The following PUDP variants were observed in gnomAD, a reference collection of about 807,000 sequenced individuals.
PUDP encodes pseudouridine-5'-phosphatase.
Under a neutral mutation model 9.4 loss-of-function variants are expected in PUDP, and 8 were observed. The observed-to-expected ratio is 0.85, with a 90% CI of 0.50 to 1.53. PUDP has a LOEUF of 1.53. Ranked by LOEUF, PUDP falls within the 40% of genes most tolerant of loss-of-function variation. The pLI, the probability that PUDP is intolerant of heterozygous loss-of-function variation, is 0.00. For missense variants in PUDP, 188 were observed against 189.7 expected, an observed-to-expected ratio of 0.99 and a Z score of 0.05; for synonymous variants, 99 against 80.7, an observed-to-expected ratio of 1.23 and a Z score of -1.22.
intron 3 of PUDP, among the ~76,000 whole-genome samples, chrX:6,807,090 G>A (rs746553635): frequency 1.8e-5 from 2 of 112,277 alleles, no homozygotes; most frequent in South Asian, 3.7e-4. Flanking sequence ...CATCAATCTA[G>A]AGAACCTTTA....
intron 3 of PUDP, among the ~76,000 whole-genome samples, chrX:6,838,916 G>T (rs769975974): frequency 8.9e-6 from 1 of 112,091 alleles, no homozygotes; most frequent in South Asian, 3.8e-4. Flanking sequence ...TGGGCTCTTG[G>T]GGTCCACAAG....
intron 3 of PUDP, among the ~76,000 whole-genome samples, chrX:6,754,801 G>A (rs906655753): frequency 1.8e-5 from 2 of 110,903 alleles, no homozygotes; most frequent in African/African-American, 6.6e-5. Flanking sequence ...AATGCTTAGG[G>A]TGTGTTCACA....
intron 2 of PUDP, among the ~76,000 whole-genome samples, chrX:7,083,380 G>C (rs1468126528): frequency 9.0e-6 from 1 of 111,689 alleles, no homozygotes; most frequent in African/African-American, 3.3e-5. Flanking sequence ...ATAATAATTA[G>C]TATTCATGAA....
At chrX:6,843,872 G>C (rs1490899828) in intron 3 of PUDP, among the ~76,000 whole-genome samples, 1 of 112,918 alleles carries the variant, frequency 8.9e-6, no homozygotes, top group Non-Finnish European at 1.9e-5. Flanking sequence ...TTATGACACT[G>C]TGTTGGTTGC....
chrX:6,989,728 G>A (rs1453650188), intron 1 of PUDP: 2 of 113,685 alleles, frequency 1.8e-5, no homozygotes, highest in African/African-American at 6.5e-5. Flanking sequence ...CAGCCACTTT[G>A]ACAGGCATTA....
At chrX:6,831,840 A>G (rs756813421) in intron 3 of PUDP, among the ~76,000 whole-genome samples, 38 of 112,088 alleles carry the variant, frequency 3.4e-4, no homozygotes, top group African/African-American at 1.1e-3. Flanking sequence ...AATCTTTGGA[A>G]AAGACCCAAA....
chrX:6,947,767 C>T lies in PUDP; in HGVS notation c.*247+29366G>A, dbSNP rs748805708. 3.6e-4 allele frequency among the ~76,000 whole-genome samples: 36 copies of T among 99,417 alleles called. No individual in the cohort carries two copies. In the East Asian group the frequency reaches 3.8e-3, roughly 11 times the overall value. 86.3% of individuals were successfully genotyped at this position (99,417 alleles called of 115,157 possible). A position where few individuals can be genotyped will look rare whatever the true frequency, so the allele number is the denominator to read the frequency against. On this transcript the variant is annotated intron_variant and NMD_transcript_variant, in intron 3 of 3. Coordinates refer to the PUDP transcript ENST00000655425. ...TGATCACACCAGACGTAGTGAGACC[C>T]TGTCTCAAAAATAAATAAATAAATA...
At chrX:7,079,318 G>C (rs972253697) in intron 2 of PUDP, among the ~76,000 whole-genome samples, 1 of 112,505 alleles carries the variant, frequency 8.9e-6, no homozygotes, top group African/African-American at 3.2e-5. Flanking sequence ...CAGAGCTTCA[G>C]AATGCATAAA....
chrX:6,784,269 T>C (rs947938278), intron 3 of PUDP, among the ~76,000 whole-genome samples: 5 of 112,000 alleles, frequency 4.5e-5, no homozygotes, highest in Admixed American at 1.9e-4. Flanking sequence ...TCGAGTCTAA[T>C]TGAGGCTTGC....
intron 2 of PUDP, chrX:7,085,531 C>G (rs1163695304): frequency 3.6e-5 from 4 of 112,039 alleles, no homozygotes; most frequent in Non-Finnish European, 7.5e-5. Flanking sequence ...ACCTGGGATT[C>G]CATAAAATGG....
chrX:7,079,563 T>C (rs1016932804), intron 2 of PUDP, among the ~76,000 whole-genome samples: 18 of 112,671 alleles, frequency 1.6e-4, no homozygotes, highest in African/African-American at 5.5e-4. Context: ...TATCCTATTA[T>C]AAGGATAAAA....
intron 3 of PUDP, among the ~76,000 whole-genome samples, chrX:6,838,822 G>A (rs747486162): frequency 1.8e-4 from 20 of 112,078 alleles, no homozygotes; most frequent in African/African-American, 6.5e-4. Context: ...CTGGACTTCA[G>A]TATTTCTTTG....
intron 3 of PUDP, among the ~76,000 whole-genome samples, chrX:6,744,479 T>A (rs1346167457): frequency 8.9e-6 from 1 of 112,147 alleles, no homozygotes; most frequent in African/African-American, 3.3e-5. Flanking sequence ...AAAATTATGA[T>A]GGAAAGTGTA....
Position 7,057,581 on chromosome X carries a change from G to T in PUDP, c.511-7109C>A. 4.7e-6 allele frequency: 5 copies of T among 1,069,065 alleles called. No homozygotes were observed. The South Asian group carries it at 1.2e-4, about 25-fold the overall frequency. 88.1% of individuals were successfully genotyped at this position (1,069,065 alleles called of 1,213,427 possible). On this transcript the variant is annotated intron_variant, in intron 3 of 3. Transcript: ENST00000381077. Reference sequence around the variant, plus strand: ...ATGTTTCTGATGTGGTGGGTCTTGGGGCCGCCATTTTGGTGGCAGGAAGGA... The same window carrying T: ...ATGTTTCTGATGTGGTGGGTCTTGGTGCCGCCATTTTGGTGGCAGGAAGGA...
chrX:6,910,220 C>G (rs1304076752), intron 3 of PUDP, among the ~76,000 whole-genome samples: 1 of 112,238 alleles, frequency 8.9e-6, no homozygotes, highest in Non-Finnish European at 1.9e-5. Context: ...AGAACCTTAA[C>G]TGTGATAAGA....
chrX:7,082,258 C>G (rs1057056978), intron 2 of PUDP, among the ~76,000 whole-genome samples: 5 of 112,244 alleles, frequency 4.5e-5, no homozygotes, highest in Admixed American at 2.8e-4. Flanking sequence ...CTGCTTTCCT[C>G]CATCCTAGAG....
intron 3 of PUDP, among the ~76,000 whole-genome samples, chrX:6,971,971 A>G (rs1174806151): frequency 6.3e-5 from 7 of 111,435 alleles, no homozygotes; most frequent in Non-Finnish European, 1.3e-4. Flanking sequence ...TTCTCTTTGT[A>G]GCAATTGTGA....
intron 3 of PUDP, among the ~76,000 whole-genome samples, chrX:6,749,815 T>C (rs1281100387): frequency 8.9e-6 from 1 of 111,824 alleles, no homozygotes; most frequent in Non-Finnish European, 1.9e-5. Flanking sequence ...TGCATTGGTG[T>C]CCTCTCATGC....
Position 6,792,202 on chromosome X carries a change from A to G in PUDP, c.*248-85736T>C, listed in dbSNP as rs745777103. Among the ~76,000 whole-genome samples, 93 of 110,704 alleles carry G rather than the reference A, an allele frequency of 8.4e-4. 1 individual carries two copies. The highest frequency in any genetic ancestry group is 1.5e-3 in the Non-Finnish European group (82 of 52,946). ...AATAATGTGTACGTTCTTAAGACCA[A>G]TAGAGTGAGGTTGGCCAAGCACATG... On this transcript the variant is annotated intron_variant and NMD_transcript_variant, in intron 3 of 3. Coordinates refer to the PUDP transcript ENST00000655425.
Sources: allele counts gnomAD v4.1 joint callset (sites outside exome capture counted in the v4.1 genomes callset), GRCh38; gene constraint gnomAD v4.1.1; transcripts MANE v1.5; gene names NCBI Gene and HGNC (gene_info 2026-07-23, HGNC 2026-07-21).